Variants in F13A1 observed in about 807,000 individuals in gnomAD.
The protein encoded by F13A1 is coagulation factor XIII A chain, also known as FSF, A subunit.
F13A1 carries 47 observed loss-of-function variants against 80.1 expected under a neutral mutation model. The ratio of observed to expected loss-of-function variants is 0.59; its 90% CI spans 0.46 to 0.75. F13A1 has a LOEUF of 0.75. Among genes scored for constraint, F13A1 ranks in the 30% least tolerant of loss-of-function variants. F13A1 has a pLI of 0.00. For missense variants in F13A1, 817 were observed against 930.4 expected (o/e 0.88, Z 1.59); for synonymous variants, 349 against 344.9 (o/e 1.01, Z -0.13).
rs1758502056 is a variant in F13A1, at chr6:6,305,603, C to CA, written c.131-65dup. ...ACTAACTTTAGTTTAAACATAAACT[C>CA]AAAAACAAGATTATTTTCCCTGAAG... On this transcript the variant is annotated intron_variant, in intron 2 of 14. Transcript: ENST00000264870. The CA allele has an allele frequency of 3.2e-6, 5 of 1,543,096 alleles. No individual in the cohort carries two copies. In the South Asian group the frequency reaches 3.4e-5, roughly 10 times the overall value.
intron 10 of F13A1, among the ~76,000 whole-genome samples, chr6:6,186,707 C>T (rs1188419460): frequency 6.6e-6 from 1 of 152,162 alleles, no homozygotes; most frequent in Non-Finnish European, 1.5e-5. Context: ...GTGATGCAGG[C>T]TCTTTTTTTG....
intron 4 of F13A1, among the ~76,000 whole-genome samples, chr6:6,258,717 A>G (rs1757736770): frequency 6.6e-6 from 1 of 152,234 alleles, no homozygotes. Context: ...ACTAGGAAGA[A>G]TGATGCATAC....
At chr6:6,194,747 T>TC (rs1052143004) in intron 10 of F13A1, among the ~76,000 whole-genome samples, 54 of 152,258 alleles carry the variant, frequency 3.5e-4, no homozygotes, top group African/African-American at 1.3e-3. Flanking sequence ...ACCTTAGAAT[T>TC]CCCCCCAGTA....
chr6:6,154,499 A>G (rs577674528), intron 13 of F13A1, among the ~76,000 whole-genome samples: 1 of 152,328 alleles, frequency 6.6e-6, no homozygotes, highest in Non-Finnish European at 1.5e-5. Flanking sequence ...GTGTCTACCC[A>G]CTGCATGCCA....
intron 2 of F13A1, among the ~76,000 whole-genome samples, chr6:6,310,818 T>C (rs1758579445): frequency 6.6e-6 from 1 of 152,096 alleles, no homozygotes; most frequent in African/African-American, 2.4e-5. Context: ...AATCATTAAG[T>C]AGTCAGGTAT....
At chr6:6,298,975 C>T (rs1758377139) in intron 3 of F13A1, among the ~76,000 whole-genome samples, 1 of 148,222 alleles carries the variant, frequency 6.7e-6, no homozygotes, top group South Asian at 2.1e-4. Flanking sequence ...ATTTGCTTGT[C>T]TGTAACGTAT....
At chr6:6,158,322 G>T (rs943172223) in intron 13 of F13A1, among the ~76,000 whole-genome samples, 1 of 152,202 alleles carries the variant, frequency 6.6e-6, no homozygotes, top group Non-Finnish European at 1.5e-5. Flanking sequence ...CTGCCACTTT[G>T]AGTTTTTAGA....
At chr6:6,153,945 G>A (rs1760428779) in intron 13 of F13A1, among the ~76,000 whole-genome samples, 1 of 152,220 alleles carries the variant, frequency 6.6e-6, no homozygotes, top group East Asian at 1.9e-4. Flanking sequence ...TTATAAAAGA[G>A]AAAACTGTGG....
intron 8 of F13A1, among the ~76,000 whole-genome samples, chr6:6,203,049 G>A (rs2151084344): frequency 6.6e-6 from 1 of 152,344 alleles, no homozygotes; most frequent in South Asian, 2.1e-4. Flanking sequence ...TCATCATGGT[G>A]TAAGAAAGGG....
intron 8 of F13A1, among the ~76,000 whole-genome samples, chr6:6,217,401 C>A (rs1291061757): frequency 6.6e-6 from 1 of 151,612 alleles, no homozygotes; most frequent in Non-Finnish European, 1.5e-5. Flanking sequence ...AATTGGAAAT[C>A]ATCATTCTCA....
chr6:6,272,878 A>T (rs1757941394), intron 3 of F13A1, among the ~76,000 whole-genome samples: 1 of 152,224 alleles, frequency 6.6e-6, no homozygotes, highest in African/African-American at 2.4e-5. Flanking sequence ...AATCAATAGA[A>T]TAATAAATTT....
At chr6:6,299,239 T>G (rs12207247) in intron 3 of F13A1, among the ~76,000 whole-genome samples, 22,572 of 104,968 alleles carry the variant, frequency 0.22, 4,390 homozygotes, top group African/African-American at 0.62. Context: ...GGAGTTGCTC[T>G]TCTCGAGGAG....
intron 10 of F13A1, among the ~76,000 whole-genome samples, chr6:6,187,977 T>A (rs1761110751): frequency 6.7e-6 from 1 of 150,002 alleles, no homozygotes; most frequent in African/African-American, 2.4e-5. Flanking sequence ...GAGGAATTTA[T>A]CCATTTCTTC....
intron 2 of F13A1, among the ~76,000 whole-genome samples, chr6:6,312,137 T>C (rs908073354): frequency 2.6e-5 from 4 of 151,574 alleles, no homozygotes; most frequent in Non-Finnish European, 5.9e-5. Context: ...TTGGTTCTTA[T>C]GACAGCTGAT....
intron 3 of F13A1, 145 bp downstream of exon 3, chr6:6,305,206 C>T (rs1378302453): frequency 2.2e-6 from 2 of 895,992 alleles, no homozygotes; most frequent in East Asian, 5.2e-5. Context: ...TCTTAGAGCA[C>T]AGGGTAATTC....
At chr6:6,186,437 C>A (rs1366922968) in intron 10 of F13A1, among the ~76,000 whole-genome samples, 8 of 152,136 alleles carry the variant, frequency 5.3e-5, no homozygotes, top group Non-Finnish European at 7.3e-5. Context: ...AGCTTTCCAC[C>A]TATGGCTAGC....
chr6:6,260,317 T>C (rs959260620), intron 4 of F13A1, among the ~76,000 whole-genome samples: 5 of 152,208 alleles, frequency 3.3e-5, no homozygotes, highest in Admixed American at 6.5e-5. Context: ...CTCCTATCAA[T>C]AAGTGCTGTG....
chr6:6,160,707 A>G (rs1168649888), intron 13 of F13A1, among the ~76,000 whole-genome samples: 1 of 152,326 alleles, frequency 6.6e-6, no homozygotes, highest in Non-Finnish European at 1.5e-5. Flanking sequence ...CCAAATAACT[A>G]TATGAAGAAT....
chr6:6,244,860 C>T (rs998598505), intron 6 of F13A1, among the ~76,000 whole-genome samples: 2 of 152,164 alleles, frequency 1.3e-5, no homozygotes, highest in Non-Finnish European at 1.5e-5. Context: ...ATGATGCTGC[C>T]TTCACTTTCT....
Sources: gnomAD v4.1 joint callset for allele counts (sites outside exome capture counted in the v4.1 genomes callset) on GRCh38, gnomAD v4.1.1 for gene constraint, MANE v1.5 for transcripts, NCBI Gene and HGNC (gene_info 2026-07-23, HGNC 2026-07-21) for gene names.